The following SRP68 variants were observed in gnomAD, a reference collection of about 807,000 sequenced individuals.
SRP68 encodes signal recognition particle 68, also known as signal recognition particle subunit SRP68.
In SRP68, 15 loss-of-function variants were observed where a neutral mutation model predicts 82.2. That is an observed-to-expected ratio of 0.18 (90% confidence interval 0.12 to 0.28). The LOEUF (loss-of-function observed/expected upper bound fraction) is 0.28. SRP68 is among the 10% of genes least tolerant of loss of function. The pLI, the probability that SRP68 is intolerant of heterozygous loss-of-function variation, is 1.00. For synonymous variants in SRP68, 261 were observed against 292.6 expected (o/e 0.89, Z 1.10); for missense variants, 595 against 780.5 (o/e 0.76, Z 2.83).
intron 6 of SRP68, 151 bp from the exon 7 acceptor site, chr17:76,060,541 T>G (rs1959001841): frequency 1.7e-6 from 1 of 590,506 alleles, no homozygotes; most frequent in Non-Finnish European, 3.0e-6. Context: ...AAGTCTTTTA[T>G]AAAGAATGAA....
intron 8 of SRP68, among the ~76,000 whole-genome samples, chr17:76,054,626 TG>T (rs1178387134): frequency 4.6e-5 from 7 of 151,148 alleles, no homozygotes; most frequent in African/African-American, 1.7e-4. Context: ...CCGAGGCGGG[TG>T]GATTGCCTGA....
chr17:76,053,753 A>T lies in SRP68; in HGVS notation c.979-3227T>A, dbSNP rs552029714. On this transcript the variant is annotated intron_variant, in intron 8 of 15. Coordinates refer to ENST00000307877, the MANE Select transcript of SRP68 (RefSeq NM_014230.4). ...AATCTCTGAAGGAGAAGCTCTCATG[A>T]TTCTCCCTGGGCAGGGCAAAATGTC... is the stretch of plus-strand genomic sequence containing the variant. 9.1e-6 allele frequency: 6 copies of T among 657,084 alleles called. No homozygotes were observed. The East Asian group carries it at 5.5e-4, about 60-fold the overall frequency. The allele number at this position is 657,084 out of a possible 1,614,324, so 40.7% of individuals were successfully genotyped here.
chr17:76,072,464 C>G lies in SRP68; in HGVS notation c.28G>C (p.Gly10Arg), dbSNP rs751979771. The change falls in exon 1 of 16, where the codon GGC becomes CGC. Residue 10 changes from glycine to arginine, a missense_variant. Gly to Arg is a moderately radical substitution (Grantham distance 125). Coordinates refer to ENST00000307877, the MANE Select transcript of SRP68 (RefSeq NM_014230.4). This position sits in a 1 kb window ranked among gnomAD's most constrained non-coding sequence, Gnocchi z 4.5. Reference sequence around the variant, plus strand: ...CCGCCACTGCCGCCGCCGCCGCCGCCGCCTGGGACCTGCTTCTCAGCAGCC... The same window carrying G: ...CCGCCACTGCCGCCGCCGCCGCCGCGGCCTGGGACCTGCTTCTCAGCAGCC... MAAEKQVPG[G>R]GGGGGSGGGG... 3.8e-6 allele frequency: 6 copies of G among 1,579,160 alleles called. No individual in the cohort carries two copies. Among genetic ancestry groups the G allele is most frequent in the Non-Finnish European group, 5.1e-6 (6 of 1,169,342 alleles).
chr17:76,045,198 G>C (rs2066620451), intron 12 of SRP68, 94 bp downstream of exon 12: 8 of 924,984 alleles, frequency 8.6e-6, no homozygotes, highest in Non-Finnish European at 1.2e-5. Flanking sequence ...TACACTCAAG[G>C]CCAACGGTCC....
At chr17:76,065,035 G>A (rs1476567963) in intron 3 of SRP68, among the ~76,000 whole-genome samples, 1 of 152,076 alleles carries the variant, frequency 6.6e-6, no homozygotes, top group Non-Finnish European at 1.5e-5. Context: ...CTTACTAAGT[G>A]CTCAGTAAGG....
chr17:76,069,010 T>C (rs966085820), intron 2 of SRP68, among the ~76,000 whole-genome samples: 21 of 136,398 alleles, frequency 1.5e-4, no homozygotes, highest in African/African-American at 5.2e-4. Flanking sequence ...TATAAATAAA[T>C]AAATATATAT....
intron 8 of SRP68, among the ~76,000 whole-genome samples, chr17:76,056,655 T>C (rs1178454237): frequency 2.0e-5 from 3 of 152,154 alleles, no homozygotes; most frequent in Non-Finnish European, 2.9e-5. Flanking sequence ...CCTCAACACA[T>C]TAACAAAACA....
intron 8 of SRP68, 74 bp downstream of exon 8, chr17:76,057,329 C>G (rs2066719901): frequency 6.3e-7 from 1 of 1,575,750 alleles, no homozygotes; most frequent in African/African-American, 1.3e-5. Context: ...TACCAACGAG[C>G]CACTACATCT....
chr17:76,061,606 C>G (rs773423591), intron 4 of SRP68, 32 bp from the exon 5 acceptor site: 1 of 1,563,816 alleles, frequency 6.4e-7, no homozygotes, highest in South Asian at 1.1e-5. Flanking sequence ...GGAACTGCTT[C>G]AACAGCAAAC....
chr17:76,070,686 C>G (rs1304565873), intron 1 of SRP68, among the ~76,000 whole-genome samples: 3 of 151,982 alleles, frequency 2.0e-5, no homozygotes, highest in Non-Finnish European at 4.4e-5. Flanking sequence ...ACTAAAAACA[C>G]AAAAAATTAG....
rs78806190 is a variant in SRP68, at chr17:76,067,303, A to C, written c.279T>G (p.Arg93=). 5.6e-6 allele frequency: 9 copies of C among 1,613,444 alleles called. No homozygotes were observed. In the East Asian group the frequency reaches 1.8e-4, roughly 32 times the overall value. The change falls in exon 3 of 16, where the codon CGT becomes CGG. Residue 93 remains arginine (R), a synonymous_variant. Transcript: ENST00000307877. ...TCTTGAAGTTGAGTGTTTTTCGAAGACGTCTTTGTCTACGGGAACAGTAGC... is the reference window on the plus strand; with the variant it reads ...TCTTGAAGTTGAGTGTTTTTCGAAGCCGTCTTTGTCTACGGGAACAGTAGC... ...YRGYCSRRQR[R]LRKTLNFKMG... is the part of the protein sequence containing the mutation.
chr17:76,059,749 G>A (rs1435944600), intron 7 of SRP68, among the ~76,000 whole-genome samples: 1 of 136,934 alleles, frequency 7.3e-6, no homozygotes, highest in Non-Finnish European at 1.5e-5. Context: ...CTGAGATCAC[G>A]CCACTGCACT....
chr17:76,060,585 A>T, intron 6 of SRP68, 195 bp from the exon 7 acceptor site: 1 of 546,988 alleles, frequency 1.8e-6, no homozygotes, highest in Non-Finnish European at 3.2e-6. Flanking sequence ...TCCATATGGT[A>T]TATAATGGTA....
intron 5 of SRP68, 59 bp downstream of exon 5, chr17:76,061,433 G>T: frequency 6.9e-7 from 1 of 1,455,254 alleles, no homozygotes; most frequent in Non-Finnish European, 9.6e-7. Flanking sequence ...CTGATCTGCA[G>T]CTTAAATTTG....
At chr17:76,063,378 C>A (rs1024970420) in intron 4 of SRP68, among the ~76,000 whole-genome samples, 1 of 152,094 alleles carries the variant, frequency 6.6e-6, no homozygotes, top group African/African-American at 2.4e-5. Context: ...CAAAACATGA[C>A]CTTTCTTAAA....
chr17:76,045,465 G>C, intron 11 of SRP68, 79 bp from the exon 12 acceptor site: 1 of 1,100,782 alleles, frequency 9.1e-7, no homozygotes, highest in Non-Finnish European at 1.3e-6. Flanking sequence ...TTGTAAGAAC[G>C]GACAAGAGTG....
chr17:76,066,285 C>T (rs750008072), intron 3 of SRP68, among the ~76,000 whole-genome samples: 4 of 151,988 alleles, frequency 2.6e-5, no homozygotes, highest in Non-Finnish European at 5.9e-5. Flanking sequence ...AACCCTGTCT[C>T]TACTAAAAAT....
Position 76,072,309 on chromosome 17 carries a change from C to G in SRP68, c.183G>C (p.Glu61Asp). Residue 61 changes from glutamate to aspartate, a missense_variant and splice_region_variant, in exon 1 of 16, where the codon GAG (glutamate) becomes GAC (aspartate). Physicochemically the swap from Glu to Asp is conservative, Grantham distance 45 (BLOSUM62 2). Coordinates refer to ENST00000307877, the MANE Select transcript of SRP68 (RefSeq NM_014230.4). This position sits in a 1 kb window ranked among gnomAD's most constrained non-coding sequence, Gnocchi z 4.5. ...NKEFGDSLSLEILQIIKESQQ... is the reference protein window; with the variant it reads ...NKEFGDSLSLDILQIIKESQQ... ...TTAGGCCCGATTACTCTAGGATACT[C>G]TCCAAACTCAGGCTATCCCCAAATT... 6.2e-7 allele frequency: 1 copy of G among 1,612,304 alleles called. No individual in the cohort carries two copies. Among genetic ancestry groups the G allele is most frequent in the East Asian group, 2.2e-5 (1 of 44,622 alleles).
intron 4 of SRP68, among the ~76,000 whole-genome samples, chr17:76,062,076 G>A (rs527833180): frequency 1.3e-5 from 2 of 152,202 alleles, no homozygotes; most frequent in East Asian, 3.9e-4. Flanking sequence ...CCTGAGGTCA[G>A]GAGTTGGGGA....
Sources: gnomAD v4.1 joint callset for allele counts (sites outside exome capture counted in the v4.1 genomes callset) on GRCh38, gnomAD v4.1.1 for gene constraint, Gnocchi (gnomAD v3.1) non-coding constraint, MANE v1.5 for transcripts, NCBI Gene and HGNC (gene_info 2026-07-23, HGNC 2026-07-21) for gene names.